The following VWDE variants were observed in gnomAD, a reference collection of about 807,000 sequenced individuals.
VWDE encodes von Willebrand factor D and EGF domains.
In VWDE, 207 loss-of-function variants were observed where a neutral mutation model predicts 178.4. The observed-to-expected ratio is 1.16, with a 90% CI of 1.04 to 1.30. The LOEUF is 1.30. Among genes scored for constraint, VWDE ranks in the 50% most tolerant of loss-of-function variants. The pLI, the probability that VWDE is intolerant of heterozygous loss-of-function variation, is 0.00. For synonymous variants in VWDE, 738 were observed against 651.4 expected, an observed-to-expected ratio of 1.13 and a Z score of -2.02; for missense variants, 2,287 against 1,901.3, an observed-to-expected ratio of 1.20 and a Z score of -3.77.
chr7:12,370,303 G>A lies in VWDE; in HGVS notation c.2003C>T (p.Thr668Ile). ...AGTGTCTGAATTAATATATTCGGAGGTGACATCTAGTTCTGGTATCAAAGA... is the reference window on the plus strand; with the variant it reads ...AGTGTCTGAATTAATATATTCGGAGATGACATCTAGTTCTGGTATCAAAGA... ...LSSLIPELDVTSEYINSDTLV... is the reference protein window; with the variant it reads ...LSSLIPELDVISEYINSDTLV... Residue 668 changes from threonine (T) to isoleucine (I), a missense_variant, in exon 12 of 29, where the codon ACC becomes ATC. By Grantham distance (89) the Thr-to-Ile change is moderately conservative. Transcript: ENST00000275358. 1 of 1,551,182 alleles carries A rather than the reference G, an allele frequency of 6.4e-7. No individual in the cohort carries two copies. The highest frequency in any genetic ancestry group is 2.4e-5 in the East Asian group (1 of 40,900).
At chr7:12,357,593 A>T (rs1460124109) in intron 16 of VWDE, 78 bp from the exon 17 acceptor site, 2 of 1,457,402 alleles carry the variant, frequency 1.4e-6, no homozygotes, top group East Asian at 2.5e-5. Context: ...TCCCACAGAG[A>T]TATGCATTTT....
At chr7:12,338,239 C>T (rs1200934440) in intron 24 of VWDE, among the ~76,000 whole-genome samples, 2 of 151,840 alleles carry the variant, frequency 1.3e-5, no homozygotes, top group Non-Finnish European at 1.5e-5. Flanking sequence ...TTTTAGCAAA[C>T]AGATAATTTC....
chr7:12,336,041 G>GT (rs1554262571), intron 27 of VWDE, 100 bp downstream of exon 27: 221,235 of 1,005,482 alleles, frequency 0.22, 32,125 homozygotes, highest in African/African-American at 0.68. Context: ...GCATGCTGGA[G>GT]TTTTTTCCCC....
intron 1 of VWDE, among the ~76,000 whole-genome samples, chr7:12,395,294 C>T (rs1054170954): frequency 1.4e-4 from 21 of 152,152 alleles, no homozygotes; most frequent in African/African-American, 4.8e-4. Flanking sequence ...GACATTGCAC[C>T]TGGTTAGAAT....
In VWDE at chr7:12,396,381, T is replaced by C. The variant is rs74727804; in HGVS notation, c.59-2603A>G. ...TGCATAACCCTTGGTGACAGGTACT[T>C]CATAATAACTGAGTTTGCAATTATA... On this transcript the variant is annotated intron_variant, in intron 1 of 28. Transcript: ENST00000275358. Among the ~76,000 whole-genome samples, 162 of 152,322 alleles carry C rather than the reference T, an allele frequency of 1.1e-3. 2 individuals are homozygous for C. The East Asian group carries it at 0.024, about 22-fold the overall frequency.
intron 9 of VWDE, among the ~76,000 whole-genome samples, chr7:12,374,117 C>T (rs368566555): frequency 6.6e-6 from 1 of 152,200 alleles, no homozygotes; most frequent in East Asian, 1.9e-4. Flanking sequence ...ATGAATCTCC[C>T]AGAACGATAT....
chr7:12,362,705 T>A lies in VWDE; in HGVS notation c.2899-1184A>T, dbSNP rs144596460. ...TCAGCAGGAAAGGGAAAGGAAAACA[T>A]GATCACCCTAATCTGCAGCTAACAG... On this transcript the variant is annotated intron_variant, in intron 13 of 28. Coordinates refer to ENST00000275358, the MANE Select transcript of VWDE (RefSeq NM_001135924.3). 3.1e-3 allele frequency among the ~76,000 whole-genome samples: 468 copies of A among 152,252 alleles called. 5 individuals carry two copies. The highest frequency in any genetic ancestry group is 0.011 in the African/African-American group (450 of 41,566).
At chr7:12,388,875 T>A (rs1029787606) in intron 3 of VWDE, 13 of 649,778 alleles carry the variant, frequency 2.0e-5, no homozygotes, top group African/African-American at 5.4e-5. Flanking sequence ...ACACACTCAA[T>A]CATTATGTCC....
chr7:12,357,992 C>A (rs891039853), intron 16 of VWDE, among the ~76,000 whole-genome samples: 1 of 152,130 alleles, frequency 6.6e-6, no homozygotes, highest in Non-Finnish European at 1.5e-5. Context: ...CTGTACTTGC[C>A]TCCCCAGCTA....
intron 18 of VWDE, among the ~76,000 whole-genome samples, chr7:12,352,501 G>T (rs1223652882): frequency 6.6e-6 from 1 of 152,146 alleles, no homozygotes; most frequent in Non-Finnish European, 1.5e-5. Context: ...CATGTGTAAG[G>T]GGATTTGGTT....
chr7:12,359,551 T>C lies in VWDE; in HGVS notation c.3274+27A>G, dbSNP rs988059606. 3 of 1,426,454 alleles carry C rather than the reference T, an allele frequency of 2.1e-6. No individual in the cohort carries two copies. In the Admixed American group the frequency reaches 6.2e-5, roughly 29 times the overall value. The allele number at this position is 1,426,454 out of a possible 1,614,324, so 88.4% of individuals were successfully genotyped here. A position where few individuals can be genotyped will look rare whatever the true frequency, so the allele number is the denominator to read the frequency against. ...CTTTTAAAATGTCTTGTATAGGAAA[T>C]ATTTGGATTAATAAAGAGTAACTTA... On this transcript the variant is annotated intron_variant, in intron 16 of 28. Coordinates refer to ENST00000275358, the MANE Select transcript of VWDE (RefSeq NM_001135924.3).
At chr7:12,369,171 A>G (rs963654737) in intron 12 of VWDE, among the ~76,000 whole-genome samples, 2 of 152,160 alleles carry the variant, frequency 1.3e-5, no homozygotes, top group African/African-American at 4.8e-5. Flanking sequence ...TGGGAAAATA[A>G]TGATTCCCTA....
At chr7:12,369,493 T>C (rs1026197902) in intron 12 of VWDE, 52 bp downstream of exon 12, 7 of 1,462,672 alleles carry the variant, frequency 4.8e-6, no homozygotes, top group Admixed American at 5.1e-5. Flanking sequence ...TCAAACACAT[T>C]TTTATAATGA....
chr7:12,361,101 A>G (rs1475958572), intron 15 of VWDE, 46 bp downstream of exon 15: 2 of 1,211,804 alleles, frequency 1.7e-6, no homozygotes, highest in East Asian at 2.6e-5. Flanking sequence ...TAGGAAATGA[A>G]AATACCTATG....
At chr7:12,377,573 G>GAA (rs1783601799) in intron 7 of VWDE, 1 of 374,382 alleles carries the variant, frequency 2.7e-6, no homozygotes, top group Admixed American at 4.6e-5. Flanking sequence ...TAAAATGTAT[G>GAA]CTTTCAGCCA....
chr7:12,344,633 G>T (rs760552046), intron 19 of VWDE, among the ~76,000 whole-genome samples, 164 bp from the exon 20 acceptor site: 3 of 152,060 alleles, frequency 2.0e-5, no homozygotes, highest in Non-Finnish European at 4.4e-5. Context: ...CAACTCTCTT[G>T]CTTAAGTTTA....
intron 27 of VWDE, among the ~76,000 whole-genome samples, chr7:12,334,296 C>T (rs1367834931): frequency 4.6e-5 from 7 of 152,070 alleles, no homozygotes; most frequent in African/African-American, 1.7e-4. Flanking sequence ...TTTTAAACAA[C>T]ATAAATTCTT....
chr7:12,399,367 G>A (rs780882629), intron 1 of VWDE, among the ~76,000 whole-genome samples: 14 of 152,136 alleles, frequency 9.2e-5, no homozygotes, highest in South Asian at 8.3e-4. Context: ...GGGTCAATCC[G>A]TGAGGAAGAT....
intron 1 of VWDE, among the ~76,000 whole-genome samples, chr7:12,401,766 A>T (rs992822722): frequency 5.3e-5 from 8 of 152,284 alleles, no homozygotes; most frequent in African/African-American, 1.9e-4. Context: ...GAGTTACCCT[A>T]TGACCCGGTA....
Sources: allele counts gnomAD v4.1 joint callset (sites outside exome capture counted in the v4.1 genomes callset), GRCh38; gene constraint gnomAD v4.1.1; transcripts MANE v1.5; gene names NCBI Gene and HGNC (gene_info 2026-07-23, HGNC 2026-07-21).